The following PTPRT variants were observed in gnomAD, a reference collection of about 807,000 sequenced individuals.
The protein encoded by PTPRT is receptor-type tyrosine-protein phosphatase T.
PTPRT carries 56 observed loss-of-function variants against 176.8 expected under a neutral mutation model. The ratio of observed to expected loss-of-function variants is 0.32; its 90% CI spans 0.26 to 0.40. The LOEUF is 0.40. PTPRT is among the 10% of genes least tolerant of loss of function. The probability of loss-of-function intolerance (pLI) is 1.00; values close to 1 mark genes in which losing one functional copy is unlikely to be tolerated. For synonymous variants in PTPRT, 783 were observed against 739.0 expected (o/e 1.06, Z -0.96); for missense variants, 1,540 against 1,908.2 (o/e 0.81, Z 3.60).
At chr20:42,758,743 G>A (rs1430095307) in intron 5 of PTPRT, among the ~76,000 whole-genome samples, 1 of 152,206 alleles carries the variant, frequency 6.6e-6, no homozygotes, top group East Asian at 1.9e-4. Flanking sequence ...GGCTGTAAGA[G>A]GAGAATCTGA....
rs116160626 is a variant in PTPRT at position 43,087,318 on chromosome 20, G to T, written c.88+102328C>A. The stretch of plus-strand genomic sequence containing the variant: ...CCGAGACTTCAAAATGGTGCTGGTG[G>T]CCTCACACCCACCAGGTTCTTCGTC... On this transcript the variant is annotated intron_variant, in intron 1 of 30. Transcript: ENST00000373187. Among the ~76,000 whole-genome samples, 237 of 150,384 alleles carry T rather than the reference G, an allele frequency of 1.6e-3. 1 individual carries two copies. The highest frequency in any genetic ancestry group is 5.6e-3 in the African/African-American group (229 of 40,780).
chr20:43,130,118 T>G (rs998472750), intron 1 of PTPRT, among the ~76,000 whole-genome samples: 1 of 152,218 alleles, frequency 6.6e-6, no homozygotes, highest in Non-Finnish European at 1.5e-5. Flanking sequence ...TGGATTCCCA[T>G]TGATAGTCTT....
intron 2 of PTPRT, among the ~76,000 whole-genome samples, chr20:42,797,165 C>T (rs1350892693): frequency 6.6e-6 from 1 of 152,130 alleles, no homozygotes. Context: ...CCGTCTCCAC[C>T]TCCCACAATT....
At chr20:42,932,035 C>G (rs1016340502) in intron 1 of PTPRT, among the ~76,000 whole-genome samples, 2 of 152,216 alleles carry the variant, frequency 1.3e-5, no homozygotes, top group African/African-American at 2.4e-5. Context: ...GAATGCCACA[C>G]ACGGGCCTGG....
At chr20:42,130,310 G>A (rs1482657574) in intron 18 of PTPRT, among the ~76,000 whole-genome samples, 1 of 152,194 alleles carries the variant, frequency 6.6e-6, no homozygotes, top group Non-Finnish European at 1.5e-5. Flanking sequence ...ATGGAGGGAG[G>A]TGGTGGAGTT....
intron 17 of PTPRT, among the ~76,000 whole-genome samples, chr20:42,145,361 G>C (rs545953278): frequency 6.6e-6 from 1 of 152,118 alleles, no homozygotes; most frequent in Non-Finnish European, 1.5e-5. Flanking sequence ...TTAGCTGGGC[G>C]TGGTGACACA....
At chr20:42,493,662 AC>A (rs1168288032) in intron 7 of PTPRT, among the ~76,000 whole-genome samples, 1 of 152,160 alleles carries the variant, frequency 6.6e-6, no homozygotes, top group Non-Finnish European at 1.5e-5. Context: ...TTTATAGATG[AC>A]ATTTCACGTA....
intron 8 of PTPRT, among the ~76,000 whole-genome samples, chr20:42,463,460 G>A (rs1204733761): frequency 6.6e-6 from 1 of 152,006 alleles, no homozygotes; most frequent in Non-Finnish European, 1.5e-5. Context: ...CTTGTCAGTG[G>A]GTTCATGTAA....
intron 1 of PTPRT, among the ~76,000 whole-genome samples, chr20:42,962,735 A>C (rs1982063351): frequency 6.6e-6 from 1 of 152,162 alleles, no homozygotes. Flanking sequence ...AAACACTACC[A>C]CCACCATTTA....
chr20:42,645,251 C>A (rs78170407), intron 7 of PTPRT, among the ~76,000 whole-genome samples: 1 of 152,138 alleles, frequency 6.6e-6, no homozygotes, highest in Non-Finnish European at 1.5e-5. Context: ...GGGGAAGGGG[C>A]TCTCCCTGAG....
At chr20:42,284,149 C>T (rs781587284) in intron 12 of PTPRT, among the ~76,000 whole-genome samples, 3 of 152,032 alleles carry the variant, frequency 2.0e-5, no homozygotes, top group Non-Finnish European at 2.9e-5. Context: ...TGTGGGGTGA[C>T]TAGAACACAA....
chr20:42,150,424 G>A (rs1040025145), intron 17 of PTPRT, among the ~76,000 whole-genome samples: 8 of 152,154 alleles, frequency 5.3e-5, no homozygotes, highest in Non-Finnish European at 7.3e-5. Flanking sequence ...TGATGCTCCA[G>A]GGCACAGCTG....
chr20:43,164,764 A>G (rs1380712051), intron 1 of PTPRT, among the ~76,000 whole-genome samples: 4 of 152,232 alleles, frequency 2.6e-5, no homozygotes, highest in Non-Finnish European at 4.4e-5. Context: ...GCTCCAATAT[A>G]ACATTTTTAT....
chr20:43,157,909 A>G (rs1371809838), intron 1 of PTPRT, among the ~76,000 whole-genome samples: 1 of 152,178 alleles, frequency 6.6e-6, no homozygotes, highest in Non-Finnish European at 1.5e-5. Context: ...AAGTTTTCCA[A>G]CAAAAACTGT....
At chr20:42,983,103 T>C (rs1983373584) in intron 1 of PTPRT, among the ~76,000 whole-genome samples, 1 of 152,174 alleles carries the variant, frequency 6.6e-6, no homozygotes, top group African/African-American at 2.4e-5. Context: ...CTGGGTGCTT[T>C]GTCTCTTCTG....
At chr20:42,747,311 A>G (rs748154415) in intron 6 of PTPRT, among the ~76,000 whole-genome samples, 1 of 152,304 alleles carries the variant, frequency 6.6e-6, no homozygotes, top group Non-Finnish European at 1.5e-5. Flanking sequence ...CCCTGGATAC[A>G]GCAAATGTTT....
At chr20:42,643,723 A>G (rs901549782) in intron 7 of PTPRT, among the ~76,000 whole-genome samples, 1 of 152,058 alleles carries the variant, frequency 6.6e-6, no homozygotes, top group Non-Finnish European at 1.5e-5. Context: ...TCAGCTTCAG[A>G]GCCTCCGCCA....
At chr20:42,222,767 C>T (rs915890626) in intron 15 of PTPRT, among the ~76,000 whole-genome samples, 1 of 152,152 alleles carries the variant, frequency 6.6e-6, no homozygotes, top group Non-Finnish European at 1.5e-5. Flanking sequence ...TTATAATAGA[C>T]CATTAAACAT....
Position 42,315,758 on chromosome 20 carries a change from T to A in PTPRT, c.2104A>T (p.Ser702Cys). 6.2e-7 allele frequency: 1 copy of A among 1,614,180 alleles called. No individual in the cohort carries two copies. The highest frequency in any genetic ancestry group is 1.1e-5 in the South Asian group (1 of 91,082). ...NPPLSPLKSY[S>C]IYFQALSKAN... ...TTGCTGAGTGCCTGGAAGTAGATGC[T>A]GTAGCTTTTCAGGGGAGAGAGAGGA... The change falls in exon 12 of 31, where the codon AGC becomes TGC. Residue 702 changes from serine (S) to cysteine (C), a missense_variant. Ser to Cys is a moderately radical substitution (Grantham distance 112, BLOSUM62 -1). Transcript: ENST00000373187.
Sources: gnomAD v4.1 joint callset for allele counts (sites outside exome capture counted in the v4.1 genomes callset) on GRCh38, gnomAD v4.1.1 for gene constraint, MANE v1.5 for transcripts, NCBI Gene and HGNC (gene_info 2026-07-23, HGNC 2026-07-21) for gene names.